AIG1: variants seen among roughly 807,000 people sequenced by gnomAD.
AIG1 encodes the protein androgen induced 1, also known as androgen-induced gene 1 protein.
Under a neutral mutation model 31.4 loss-of-function variants are expected in AIG1, and 23 were observed. The observed-to-expected ratio is 0.73, with a 90% confidence interval of 0.53 to 1.04. AIG1 has a LOEUF of 1.04. AIG1 is among the 50% of genes least tolerant of loss of function. The pLI is 0.00. For missense variants in AIG1, 274 were observed against 295.0 expected, an observed-to-expected ratio of 0.93 and a Z score of 0.52; for synonymous variants, 100 against 110.5, an observed-to-expected ratio of 0.90 and a Z score of 0.60.
chr6:143,267,505 T>C (rs1219834297), intron 3 of AIG1, among the ~76,000 whole-genome samples: 1 of 152,206 alleles, frequency 6.6e-6, no homozygotes, highest in Non-Finnish European at 1.5e-5. Context: ...TTATATCTAG[T>C]TCATGCAACC....
At position 143,322,183 on chromosome 6, in the gene AIG1, G is replaced by A. The variant is rs575982669; in HGVS notation, c.516-11099G>A. Among the ~76,000 whole-genome samples the A allele has an allele frequency of 2.6e-5, 4 of 152,280 alleles. No homozygotes were observed. The South Asian group carries it at 8.3e-4, about 32-fold the overall frequency. ...GAGAGGTTGGTAGTCCAAGGAGGTAGCGAGATCAAGGAAGACATTATCATG... is the reference window on the plus strand; with the variant it reads ...GAGAGGTTGGTAGTCCAAGGAGGTAACGAGATCAAGGAAGACATTATCATG... On this transcript the variant is annotated intron_variant, in intron 4 of 5. Coordinates refer to ENST00000357847, the MANE Select transcript of AIG1 (RefSeq NM_016108.4).
intron 1 of AIG1, among the ~76,000 whole-genome samples, chr6:143,063,787 G>A (rs190407804): frequency 5.3e-5 from 8 of 152,288 alleles, no homozygotes; most frequent in South Asian, 2.1e-4. Context: ...CATATTCCAT[G>A]GCTTCAGTTT....
chr6:143,274,358 A>G (rs1179112153), intron 3 of AIG1, among the ~76,000 whole-genome samples: 1 of 152,238 alleles, frequency 6.6e-6, no homozygotes, highest in Non-Finnish European at 1.5e-5. Context: ...TCTCTGTAAA[A>G]TGGAATTGAT....
At chr6:143,094,990 G>A (rs1323117019) in intron 1 of AIG1, among the ~76,000 whole-genome samples, 2 of 152,124 alleles carry the variant, frequency 1.3e-5, no homozygotes, top group African/African-American at 4.8e-5. Flanking sequence ...TTGAAAAGGG[G>A]AGTGGATGAA....
At chr6:143,187,762 A>G in intron 3 of AIG1, 1 of 1,520,938 alleles carries the variant, frequency 6.6e-7, no homozygotes, top group East Asian at 2.5e-5. Context: ...GCTGCTCTGC[A>G]CAAGAAGGAC....
rs1459307997 is a variant in AIG1 at position 143,299,004 on chromosome 6, CT to C, written c.515+14783del. 3.3e-5 allele frequency: 5 copies of C among 152,152 alleles called. No homozygotes were observed. The East Asian group carries it at 9.7e-4, about 29-fold the overall frequency. 9.4% of individuals were successfully genotyped at this position (152,152 alleles called of 1,614,324 possible). A position where few individuals can be genotyped will look rare whatever the true frequency, so the allele number is the denominator to read the frequency against. Reference sequence around the variant, plus strand: ...GGATGTGTTGTGTTGGCATATAGATCTTTTCTAATATAAGCATCACATCTCA... The same window carrying C: ...GGATGTGTTGTGTTGGCATATAGATCTTTCTAATATAAGCATCACATCTCA... On this transcript the variant is annotated intron_variant, in intron 4 of 5. Transcript: ENST00000357847. The surrounding 1 kb of genome is among the most constrained non-coding windows in gnomAD (Gnocchi z 4.1).
intron 2 of AIG1, among the ~76,000 whole-genome samples, chr6:143,160,282 A>G (rs1786219533): frequency 6.6e-6 from 1 of 152,204 alleles, no homozygotes; most frequent in Admixed American, 6.5e-5. Context: ...AGAATTTCCC[A>G]TTAATCAATA....
At chr6:143,060,688 G>T (rs769139726), upstream of AIG1, 22 of 448,638 alleles carry the variant, frequency 4.9e-5, no homozygotes, top group South Asian at 3.5e-4. Context: ...CGCCTGCCAG[G>T]CCGCGGCCGG....
At chr6:143,113,527 C>T (rs1781468603) in intron 1 of AIG1, among the ~76,000 whole-genome samples, 1 of 149,584 alleles carries the variant, frequency 6.7e-6, no homozygotes, top group Non-Finnish European at 1.5e-5. Flanking sequence ...CGCTTGAACT[C>T]AGGAGGCGGA....
At chr6:143,321,635 T>C (rs1319102273) in intron 4 of AIG1, among the ~76,000 whole-genome samples, 1 of 152,036 alleles carries the variant, frequency 6.6e-6, no homozygotes, top group Non-Finnish European at 1.5e-5. Flanking sequence ...AAGGAACCGC[T>C]GAAAGGGTTG....
intron 3 of AIG1, among the ~76,000 whole-genome samples, chr6:143,281,689 A>C (rs1797349586): frequency 6.6e-6 from 1 of 152,230 alleles, no homozygotes; most frequent in African/African-American, 2.4e-5. Flanking sequence ...CTGCTAATTT[A>C]TGTTTGTTAA....
chr6:143,200,986 C>T (rs76921910), intron 3 of AIG1, among the ~76,000 whole-genome samples: 2,360 of 152,198 alleles, frequency 0.016, 66 homozygotes, highest in African/African-American at 0.053. Flanking sequence ...GAAATTTGGA[C>T]TCCCACATCC....
At chr6:143,301,630 G>A (rs1394877787) in intron 4 of AIG1, among the ~76,000 whole-genome samples, 1 of 152,152 alleles carries the variant, frequency 6.6e-6, no homozygotes, top group African/African-American at 2.4e-5. Flanking sequence ...ACAGAGCAAA[G>A]GTGTGGAGAA....
Position 143,292,200 on chromosome 6 carries a change from A to G in AIG1, c.515+7975A>G, listed in dbSNP as rs1186335871. On this transcript the variant is annotated intron_variant, in intron 4 of 5. Transcript: ENST00000357847. The surrounding 1 kb of genome is among the most constrained non-coding windows in gnomAD (Gnocchi z 4.9). Reference sequence around the variant, plus strand: ...ACCACAAGCCCCCAAAGATATCCACATCCTAAAATCCCCAGAACTTGTGGA... The same window carrying G: ...ACCACAAGCCCCCAAAGATATCCACGTCCTAAAATCCCCAGAACTTGTGGA... Among the ~76,000 whole-genome samples, 1 of 152,218 alleles carries G rather than the reference A, an allele frequency of 6.6e-6. No individual in the cohort carries two copies. Among genetic ancestry groups the G allele is most frequent in the African/African-American group, 2.4e-5 (1 of 41,464 alleles).
chr6:143,257,714 G>T (rs763686750), intron 3 of AIG1, among the ~76,000 whole-genome samples: 13 of 152,152 alleles, frequency 8.5e-5, no homozygotes, highest in Non-Finnish European at 1.5e-4. Flanking sequence ...TTTAGCCAGG[G>T]TGTTTTTAAT....
chr6:143,173,969 G>GTGC (rs558368731), intron 3 of AIG1, among the ~76,000 whole-genome samples: 17 of 152,162 alleles, frequency 1.1e-4, no homozygotes, highest in Non-Finnish European at 2.1e-4. Flanking sequence ...GACCAGTCTA[G>GTGC]TGCTGTCAGT....
At chr6:143,116,534 T>C (rs1781753504) in intron 1 of AIG1, among the ~76,000 whole-genome samples, 1 of 151,554 alleles carries the variant, frequency 6.6e-6, no homozygotes. Context: ...CATGAAATTT[T>C]TAAAAGGCAG....
intron 3 of AIG1, chr6:143,187,811 A>G: frequency 6.7e-7 from 1 of 1,494,574 alleles, no homozygotes; most frequent in East Asian, 2.5e-5. Context: ...TGCCAAGTTG[A>G]TGAAATACGG....
intron 3 of AIG1, among the ~76,000 whole-genome samples, chr6:143,232,239 A>C (rs929338239): frequency 1.1e-4 from 16 of 152,188 alleles, no homozygotes; most frequent in Non-Finnish European, 1.9e-4. Context: ...AGCCCTTCTG[A>C]ATTAGCAGTG....
Sources: allele counts gnomAD v4.1 joint callset (sites outside exome capture counted in the v4.1 genomes callset), GRCh38; gene constraint gnomAD v4.1.1; non-coding constraint Gnocchi (gnomAD v3.1); transcripts MANE v1.5; gene names NCBI Gene and HGNC (gene_info 2026-07-23, HGNC 2026-07-21).